Variants in ZNF804B observed in about 807,000 individuals in gnomAD.
ZNF804B encodes the protein zinc finger protein 804B.
A neutral mutation model predicts 101.4 loss-of-function variants in ZNF804B; 80 were observed. The observed-to-expected ratio is 0.79, with a 90% CI of 0.66 to 0.95. The LOEUF (loss-of-function observed/expected upper bound fraction) is 0.95. Ranked by LOEUF, ZNF804B falls within the 40% of genes least tolerant of loss-of-function variation. The pLI is 0.00. For synonymous variants in ZNF804B, 622 were observed against 558.8 expected (o/e 1.11, Z -1.59); for missense variants, 1,673 against 1,561.9 (o/e 1.07, Z -1.20).
chr7:88,913,903 T>G (rs7800916), intron 1 of ZNF804B, among the ~76,000 whole-genome samples: 67,326 of 152,064 alleles, frequency 0.44, 16,567 homozygotes, highest in African/African-American at 0.66. Context: ...GGCAATAACA[T>G]TATAAGTATT....
intron 1 of ZNF804B, among the ~76,000 whole-genome samples, chr7:88,946,092 G>A (rs1371679194): frequency 2.6e-5 from 4 of 151,918 alleles, no homozygotes; most frequent in Admixed American, 6.6e-5. Context: ...TCTTTCTCTT[G>A]CCTTATTTCC....
At chr7:89,135,802 C>T (rs1339475725) in intron 1 of ZNF804B, among the ~76,000 whole-genome samples, 2 of 147,964 alleles carry the variant, frequency 1.4e-5, no homozygotes, top group African/African-American at 5.0e-5. Flanking sequence ...TCCTGTATAA[C>T]AGGAAATGCG....
intron 2 of ZNF804B, among the ~76,000 whole-genome samples, chr7:89,263,402 C>T (rs557768504): frequency 9.9e-5 from 15 of 152,112 alleles, no homozygotes; most frequent in Non-Finnish European, 1.5e-4. Flanking sequence ...GACTCTGTAG[C>T]GCATCTAGAG....
rs11977547 is a variant in ZNF804B, at chr7:89,336,407, C to T, written c.3425C>T (p.Pro1142Leu). 9.9e-6 allele frequency: 16 copies of T among 1,614,064 alleles called. No homozygotes were observed. The African/African-American group carries it at 1.7e-4, about 17-fold the overall frequency. The change falls in exon 4 of 4, where the codon CCT becomes CTT. Residue 1142 changes from proline (P) to leucine (L), a missense_variant. By Grantham distance (98) the Pro-to-Leu change is moderately conservative (BLOSUM62 -3). Transcript: ENST00000333190. ...ATGTGTCATAAATCTATCTCTCCCCCTTTAATTCAACAGCCCATAACATTT... is the reference window on the plus strand; with the variant it reads ...ATGTGTCATAAATCTATCTCTCCCCTTTTAATTCAACAGCCCATAACATTT... Reference protein sequence around the residue: ...LEMCHKSISPPLIQQPITFSP... With the variant: ...LEMCHKSISPLLIQQPITFSP...
At chr7:88,760,124 C>A (rs1458140825) in intron 1 of ZNF804B, 40 bp downstream of exon 1, 1 of 1,511,154 alleles carries the variant, frequency 6.6e-7, no homozygotes, top group Non-Finnish European at 9.2e-7. Flanking sequence ...ACAAACGTTC[C>A]AACTCAACAC....
chr7:89,118,835 A>G (rs1036152459), intron 1 of ZNF804B, among the ~76,000 whole-genome samples: 5 of 152,156 alleles, frequency 3.3e-5, no homozygotes, highest in African/African-American at 1.2e-4. Context: ...TTCTCCATTC[A>G]TTACTGTAGA....
intron 3 of ZNF804B, among the ~76,000 whole-genome samples, chr7:89,331,142 C>T (rs551509542): frequency 9.2e-5 from 14 of 151,630 alleles, no homozygotes; most frequent in Admixed American, 5.3e-4. Context: ...AATGTCAGAT[C>T]GATTGAAGCT....
chr7:88,857,185 C>G (rs1791573602), intron 1 of ZNF804B, among the ~76,000 whole-genome samples: 1 of 151,948 alleles, frequency 6.6e-6, no homozygotes, highest in African/African-American at 2.4e-5. Flanking sequence ...GACACCCTAA[C>G]ATCACAATTA....
chr7:88,806,654 T>C (rs1790698042), intron 1 of ZNF804B, among the ~76,000 whole-genome samples: 1 of 152,028 alleles, frequency 6.6e-6, no homozygotes, highest in South Asian at 2.1e-4. Context: ...TGTATGTGTG[T>C]GTGTTGTTAG....
chr7:89,325,346 A>T (rs1258413136), intron 2 of ZNF804B, among the ~76,000 whole-genome samples: 1 of 152,032 alleles, frequency 6.6e-6, no homozygotes, highest in African/African-American at 2.4e-5. Flanking sequence ...TCTTTTAACT[A>T]TTCCTGTATA....
At chr7:89,056,932 T>C (rs1249355603) in intron 1 of ZNF804B, among the ~76,000 whole-genome samples, 3 of 151,876 alleles carry the variant, frequency 2.0e-5, no homozygotes, top group Non-Finnish European at 4.4e-5. Flanking sequence ...GGGGTTAGGG[T>C]TTTAAAGGTT....
Position 89,006,880 on chromosome 7 carries a change from T to C in ZNF804B, c.109-211275T>C, listed in dbSNP as rs963219782. ...GTGCTAACAATGTCACCACAGGCCA[T>C]TGAGCACTTCTTTGTGGACTGACAG... On this transcript the variant is annotated intron_variant, in intron 1 of 3. Coordinates refer to ENST00000333190, the MANE Select transcript of ZNF804B (RefSeq NM_181646.5). Among the ~76,000 whole-genome samples the C allele has an allele frequency of 1.1e-4, 17 of 152,124 alleles. 1 individual carries two copies. Among genetic ancestry groups the C allele is most frequent in the African/African-American group, 4.1e-4 (17 of 41,428 alleles).
chr7:89,315,797 C>T (rs1195146308), intron 2 of ZNF804B, among the ~76,000 whole-genome samples: 1 of 152,036 alleles, frequency 6.6e-6, no homozygotes, highest in Non-Finnish European at 1.5e-5. Flanking sequence ...AGAAGACTTA[C>T]CAATTGATCC....
intron 2 of ZNF804B, among the ~76,000 whole-genome samples, chr7:89,247,744 C>T (rs566951940): frequency 2.2e-4 from 34 of 152,212 alleles, no homozygotes; most frequent in Non-Finnish European, 4.4e-4. Flanking sequence ...TCTTCAGCCA[C>T]ATCCCTAACC....
intron 2 of ZNF804B, among the ~76,000 whole-genome samples, chr7:89,265,293 T>TGTGCGTGC (rs1296992270): frequency 5.8e-5 from 7 of 120,536 alleles, no homozygotes; most frequent in African/African-American, 1.9e-4. Flanking sequence ...TGTGTGTGTG[T>TGTGCGTGC]GCGCGTGCGC....
chr7:88,937,672 G>GA (rs72429448), intron 1 of ZNF804B, among the ~76,000 whole-genome samples: 14,875 of 151,324 alleles, frequency 0.098, 976 homozygotes, highest in East Asian at 0.2. Context: ...ATATCCAAAA[G>GA]AAAAAAAATG....
chr7:89,096,727 G>A (rs965544447), intron 1 of ZNF804B, among the ~76,000 whole-genome samples: 4 of 151,962 alleles, frequency 2.6e-5, no homozygotes, highest in African/African-American at 9.7e-5. Context: ...TTGAACATGG[G>A]CTTTCTGTTG....
chr7:89,103,060 T>TGTTTGTTTGTTTTG (rs1274230849), intron 1 of ZNF804B, among the ~76,000 whole-genome samples: 5 of 125,708 alleles, frequency 4.0e-5, no homozygotes, highest in African/African-American at 1.7e-4. Context: ...TTTTTTTTTT[T>TGTTTGTTTGTTTTG]TTTTTTTTTT....
intron 1 of ZNF804B, among the ~76,000 whole-genome samples, chr7:88,780,796 C>T (rs1216706020): frequency 6.6e-6 from 1 of 152,118 alleles, no homozygotes; most frequent in Non-Finnish European, 1.5e-5. Context: ...TACTTTTCAA[C>T]AATTTTATCT....
Sources: gnomAD v4.1 joint callset for allele counts (sites outside exome capture counted in the v4.1 genomes callset) on GRCh38, gnomAD v4.1.1 for gene constraint, MANE v1.5 for transcripts, NCBI Gene and HGNC (gene_info 2026-07-23, HGNC 2026-07-21) for gene names.